The following ADAMTS2 variants were observed in gnomAD, a reference collection of about 807,000 sequenced individuals.
ADAMTS2 encodes ADAM metallopeptidase with thrombospondin type 1 motif 2, also known as A disintegrin and metalloproteinase with thrombospondin motifs 2.
ADAMTS2 carries 50 observed loss-of-function variants against 123.0 expected under a neutral mutation model. The observed-to-expected ratio is 0.41, with a 90% CI of 0.32 to 0.51. ADAMTS2 has a LOEUF of 0.51. ADAMTS2 is among the 20% of genes least tolerant of loss of function. The pLI is 0.35. For missense variants in ADAMTS2, 1,494 were observed against 1,705.2 expected (o/e 0.88, Z 2.18); for synonymous variants, 678 against 695.4 (o/e 0.98, Z 0.39).
intron 3 of ADAMTS2, among the ~76,000 whole-genome samples, chr5:179,220,947 C>T (rs1051654414): frequency 6.6e-6 from 1 of 152,192 alleles, no homozygotes; most frequent in East Asian, 1.9e-4. Flanking sequence ...CTCTCCTACC[C>T]GGCCATGAGC....
At chr5:179,138,284 T>A (rs1027842308) in intron 11 of ADAMTS2, among the ~76,000 whole-genome samples, 1 of 152,138 alleles carries the variant, frequency 6.6e-6, no homozygotes, top group Admixed American at 6.5e-5. Context: ...GAAGCTGTGA[T>A]TGGGTGTTTA....
intron 2 of ADAMTS2, among the ~76,000 whole-genome samples, chr5:179,287,520 C>T (rs939341989): frequency 4.6e-5 from 7 of 152,214 alleles, no homozygotes; most frequent in African/African-American, 1.2e-4. Context: ...CTAAGGCTCC[C>T]GTGTGGGGGC....
chr5:179,148,088 C>T (rs1763285157), intron 10 of ADAMTS2, among the ~76,000 whole-genome samples: 1 of 152,008 alleles, frequency 6.6e-6, no homozygotes, highest in Admixed American at 6.5e-5. Flanking sequence ...GCAGGACAAG[C>T]CCTGTGGCTG....
At chr5:179,211,739 C>T (rs564436537) in intron 3 of ADAMTS2, among the ~76,000 whole-genome samples, 8 of 152,294 alleles carry the variant, frequency 5.3e-5, no homozygotes, top group Admixed American at 4.6e-4. Context: ...ACGGGCTCAT[C>T]CACAGTGCCA....
intron 2 of ADAMTS2, among the ~76,000 whole-genome samples, chr5:179,325,793 C>A (rs1757297411): frequency 6.6e-6 from 1 of 152,276 alleles, no homozygotes; most frequent in East Asian, 1.9e-4. Flanking sequence ...TTGGCCCCAG[C>A]CGCTTCTGCC....
chr5:179,204,325 G>A (rs1323621182), intron 4 of ADAMTS2, among the ~76,000 whole-genome samples: 1 of 152,204 alleles, frequency 6.6e-6, no homozygotes, highest in African/African-American at 2.4e-5. Flanking sequence ...GCTTAAAAAT[G>A]GTGAAGACGG....
chr5:179,333,609 T>TG (rs1221053701), intron 2 of ADAMTS2, among the ~76,000 whole-genome samples: 1 of 148,684 alleles, frequency 6.7e-6, no homozygotes, highest in East Asian at 1.9e-4. Context: ...TTTTTTTTTT[T>TG]TTTTTTTTTT....
rs6888613 is a variant in ADAMTS2, at chr5:179,285,058, T to G, written c.535-11994A>C. Among the ~76,000 whole-genome samples the G allele has an allele frequency of 1.3e-5, 2 of 151,950 alleles. No homozygotes were observed. The highest frequency in any genetic ancestry group is 1.9e-4 in the East Asian group (1 of 5,168). On this transcript the variant is annotated intron_variant, in intron 2 of 21. Coordinates refer to ENST00000251582, the MANE Select transcript of ADAMTS2 (RefSeq NM_014244.5). This position sits in a 1 kb window ranked among gnomAD's most constrained non-coding sequence, Gnocchi z 4.9. ...CTGATGTGAGGGCTAAGCGAGATACTGCGTCTCTAGCACTGGGCACAGCAC... is the reference window on the plus strand; with the variant it reads ...CTGATGTGAGGGCTAAGCGAGATACGGCGTCTCTAGCACTGGGCACAGCAC...
rs572748815 is a variant in ADAMTS2 at position 179,274,908 on chromosome 5, T to C, written c.535-1844A>G. ...GATGCCTCCGGCAGGAGGTGACATC[T>C]ACCCAAACCCACCCAATCCCTTTGT... is the stretch of plus-strand genomic sequence containing the variant. On this transcript the variant is annotated intron_variant, in intron 2 of 21. Coordinates refer to ENST00000251582, the MANE Select transcript of ADAMTS2 (RefSeq NM_014244.5). Among the ~76,000 whole-genome samples, 216 of 152,322 alleles carry C rather than the reference T, an allele frequency of 1.4e-3. 3 individuals are homozygous for C. Among genetic ancestry groups the C allele is most frequent in the African/African-American group, 5.0e-3 (209 of 41,572 alleles).
rs549638805 is a variant in ADAMTS2 at position 179,326,803 on chromosome 5, G to A, written c.534+16964C>T. On this transcript the variant is annotated intron_variant, in intron 2 of 21. Transcript: ENST00000251582. Reference sequence around the variant, plus strand: ...AGCCCACGTGTTGGAGCGAGATCGCGTCTGACTCCAGCGCACGGGACCTTG... The same window carrying A: ...AGCCCACGTGTTGGAGCGAGATCGCATCTGACTCCAGCGCACGGGACCTTG... Among the ~76,000 whole-genome samples, 72 of 152,258 alleles carry A rather than the reference G, an allele frequency of 4.7e-4. No homozygotes were observed. The Middle Eastern group carries it at 0.014, about 29-fold the overall frequency.
At chr5:179,320,298 C>T (rs1019851877) in intron 2 of ADAMTS2, among the ~76,000 whole-genome samples, 2 of 152,118 alleles carry the variant, frequency 1.3e-5, no homozygotes, top group African/African-American at 4.8e-5. Context: ...CTGGAGTCCA[C>T]CCTCCTCCAT....
intron 2 of ADAMTS2, among the ~76,000 whole-genome samples, chr5:179,283,567 A>AAC (rs1451988934): frequency 6.6e-6 from 1 of 150,898 alleles, no homozygotes; most frequent in African/African-American, 2.4e-5. Flanking sequence ...AAAAAAAAAA[A>AAC]AAATCCAGAA....
chr5:179,230,792 C>T (rs1391301738), intron 3 of ADAMTS2, among the ~76,000 whole-genome samples: 1 of 152,164 alleles, frequency 6.6e-6, no homozygotes, highest in Non-Finnish European at 1.5e-5. Context: ...AGGCGGATTG[C>T]CTGAGGTCAG....
At chr5:179,144,352 G>A (rs1763219915) in intron 10 of ADAMTS2, among the ~76,000 whole-genome samples, 2 of 152,332 alleles carry the variant, frequency 1.3e-5, no homozygotes, top group Middle Eastern at 6.8e-3. Context: ...CTTTCACACT[G>A]ATCTACAGGT....
chr5:179,232,960 T>C (rs1360157630), intron 3 of ADAMTS2, among the ~76,000 whole-genome samples: 1 of 152,158 alleles, frequency 6.6e-6, no homozygotes, highest in Non-Finnish European at 1.5e-5. Flanking sequence ...GTCTGGAGAA[T>C]GGAAGCACAT....
chr5:179,319,446 A>G (rs163321), intron 2 of ADAMTS2, among the ~76,000 whole-genome samples: 57,373 of 151,854 alleles, frequency 0.38, 11,695 homozygotes, highest in East Asian at 0.72. Flanking sequence ...GCACACGCCC[A>G]CACATGTGCA....
intron 4 of ADAMTS2, among the ~76,000 whole-genome samples, chr5:179,199,273 C>T (rs1764504993): frequency 6.6e-6 from 1 of 152,222 alleles, no homozygotes; most frequent in African/African-American, 2.4e-5. Flanking sequence ...GGTCCCATCT[C>T]CCCAGGACAG....
At chr5:179,154,679 G>A in intron 7 of ADAMTS2, 135 bp downstream of exon 7, 1 of 730,958 alleles carries the variant, frequency 1.4e-6, no homozygotes, top group Admixed American at 2.4e-5. Flanking sequence ...CCAGCGCTGG[G>A]AAGACAGGAG....
chr5:179,299,444 GTGTGA>G (rs1756443766), intron 2 of ADAMTS2, among the ~76,000 whole-genome samples: 1 of 134,812 alleles, frequency 7.4e-6, no homozygotes, highest in African/African-American at 2.8e-5. Context: ...CAGGAGAATG[GTGTGA>G]ACCCAGGAGG....
Sources: allele counts gnomAD v4.1 joint callset (sites outside exome capture counted in the v4.1 genomes callset), GRCh38; gene constraint gnomAD v4.1.1; non-coding constraint Gnocchi (gnomAD v3.1); transcripts MANE v1.5; gene names NCBI Gene and HGNC (gene_info 2026-07-23, HGNC 2026-07-21).